The following STAG1 variants were observed in gnomAD, a reference collection of about 807,000 sequenced individuals.
The protein encoded by STAG1 is cohesin subunit SA-1.
In STAG1, 26 loss-of-function variants were observed where a neutral mutation model predicts 170.9. The observed-to-expected ratio is 0.15, with a 90% CI of 0.11 to 0.21. The LOEUF is 0.21. STAG1 is among the 10% of genes least tolerant of loss of function. The pLI, the probability that STAG1 is intolerant of heterozygous loss-of-function variation, is 1.00. For missense variants in STAG1, 964 were observed against 1,509.5 expected, an observed-to-expected ratio of 0.64 and a Z score of 5.99; for synonymous variants, 514 against 497.7, an observed-to-expected ratio of 1.03 and a Z score of -0.44.
At chr3:136,732,817 C>T (rs1051245091) in intron 1 of STAG1, among the ~76,000 whole-genome samples, 2 of 152,014 alleles carry the variant, frequency 1.3e-5, no homozygotes, top group Non-Finnish European at 2.9e-5. Context: ...ACCATCTTGG[C>T]CACACTGATC....
intron 13 of STAG1, among the ~76,000 whole-genome samples, chr3:136,461,646 G>T (rs576334356): frequency 6.6e-6 from 1 of 151,386 alleles, no homozygotes; most frequent in African/African-American, 2.4e-5. Context: ...TATTAGTCTG[G>T]GTAGAGTTTT....
chr3:136,612,893 T>C (rs1356201389), intron 3 of STAG1, among the ~76,000 whole-genome samples: 1 of 152,252 alleles, frequency 6.6e-6, no homozygotes, highest in Non-Finnish European at 1.5e-5. Flanking sequence ...CAGCTATGTA[T>C]ATACCTAGAG....
intron 4 of STAG1, among the ~76,000 whole-genome samples, chr3:136,581,596 G>T (rs921244538): frequency 3.9e-5 from 6 of 152,140 alleles, no homozygotes; most frequent in Non-Finnish European, 8.8e-5. Context: ...GGTAGGAAGA[G>T]ACAGCTATTT....
At chr3:136,359,888 GTTA>G (rs1256987450) in intron 26 of STAG1, among the ~76,000 whole-genome samples, 5 of 152,108 alleles carry the variant, frequency 3.3e-5, no homozygotes, top group Non-Finnish European at 7.4e-5. Context: ...TATTCTTTTT[GTTA>G]TTGTTTTTAC....
chr3:136,737,244 AC>A, intron 1 of STAG1: 1 of 625,520 alleles, frequency 1.6e-6, no homozygotes. Context: ...CAGCCCAGCC[AC>A]CACGTGACCC....
chr3:136,439,696 T>C (rs950372764), intron 15 of STAG1, among the ~76,000 whole-genome samples: 2 of 152,186 alleles, frequency 1.3e-5, no homozygotes, highest in African/African-American at 4.8e-5. Flanking sequence ...ATGCCAGAGC[T>C]TATATGTGGT....
intron 28 of STAG1, among the ~76,000 whole-genome samples, chr3:136,350,247 G>A (rs1936385712): frequency 1.3e-5 from 2 of 152,124 alleles, no homozygotes; most frequent in Non-Finnish European, 2.9e-5. Flanking sequence ...TGCCACTACA[G>A]CTCTATATTT....
intron 14 of STAG1, among the ~76,000 whole-genome samples, chr3:136,446,992 CTG>C (rs1265648819): frequency 6.8e-6 from 1 of 146,298 alleles, no homozygotes; most frequent in Middle Eastern, 3.9e-3. Context: ...TTAGTTGAGA[CTG>C]TGTTTTACTA....
chr3:136,616,949 T>A (rs117220429), intron 3 of STAG1, among the ~76,000 whole-genome samples: 75 of 152,286 alleles, frequency 4.9e-4, no homozygotes, highest in Non-Finnish European at 3.2e-4. Flanking sequence ...AGCAGTAACA[T>A]AGCATATACC....
intron 1 of STAG1, among the ~76,000 whole-genome samples, chr3:136,731,431 C>T (rs772526827): frequency 1.2e-4 from 18 of 152,194 alleles, no homozygotes; most frequent in Non-Finnish European, 2.5e-4. Flanking sequence ...CAGCCTTCCC[C>T]TACCACTTTG....
In STAG1 at chr3:136,380,999, G is replaced by A. The variant is rs1430030454; in HGVS notation, c.2278-3247C>T. On this transcript the variant is annotated intron_variant, in intron 22 of 33. Coordinates refer to ENST00000383202, the MANE Select transcript of STAG1 (RefSeq NM_005862.3). ...TGATTGTGCCACTGCACTCCAGCCTGGGAGACAGAGTAAGACCCTGTCTCG... is the reference window on the plus strand; with the variant it reads ...TGATTGTGCCACTGCACTCCAGCCTAGGAGACAGAGTAAGACCCTGTCTCG... Among the ~76,000 whole-genome samples the A allele has an allele frequency of 2.0e-5, 3 of 149,090 alleles. No homozygotes were observed. The East Asian group carries it at 5.9e-4, about 29-fold the overall frequency.
At chr3:136,723,306 C>T (rs1264923228) in intron 1 of STAG1, among the ~76,000 whole-genome samples, 1 of 151,632 alleles carries the variant, frequency 6.6e-6, no homozygotes, top group Non-Finnish European at 1.5e-5. Flanking sequence ...TGCCCGGCCG[C>T]CCATCGTCTG....
At chr3:136,590,581 T>C (rs900225594) in intron 4 of STAG1, among the ~76,000 whole-genome samples, 4 of 152,150 alleles carry the variant, frequency 2.6e-5, no homozygotes, top group African/African-American at 9.6e-5. Flanking sequence ...ACTTTTATGC[T>C]TGAATAACCT....
intron 1 of STAG1, among the ~76,000 whole-genome samples, chr3:136,693,861 C>A (rs56888009): frequency 0.17 from 26,352 of 152,056 alleles, 3,816 homozygotes; most frequent in African/African-American, 0.41. Context: ...GCATTAGCCA[C>A]CATGCCTGGC....
chr3:136,472,293 A>C (rs2089646836), intron 12 of STAG1, 120 bp downstream of exon 12: 1 of 546,730 alleles, frequency 1.8e-6, no homozygotes, highest in Non-Finnish European at 3.0e-6. Context: ...TAAAATGTAA[A>C]AGTTGAACCT....
chr3:136,622,923 C>A (rs1042745745), intron 3 of STAG1, among the ~76,000 whole-genome samples: 1 of 152,152 alleles, frequency 6.6e-6, no homozygotes, highest in African/African-American at 2.4e-5. Flanking sequence ...ACATGGACTA[C>A]CATTTATTTA....
At chr3:136,470,919 T>C (rs577702777) in intron 12 of STAG1, among the ~76,000 whole-genome samples, 6 of 143,246 alleles carry the variant, frequency 4.2e-5, no homozygotes, top group East Asian at 4.1e-4. Context: ...CACTCATAGG[T>C]GGGAATTGAA....
intron 22 of STAG1, among the ~76,000 whole-genome samples, chr3:136,389,067 A>T (rs745867004): frequency 3.9e-5 from 6 of 152,162 alleles, no homozygotes; most frequent in Non-Finnish European, 7.4e-5. Flanking sequence ...AAGTGTCTAA[A>T]TATTCTTAAT....
chr3:136,397,533 A>T (rs2087202350), intron 22 of STAG1, among the ~76,000 whole-genome samples: 1 of 151,640 alleles, frequency 6.6e-6, no homozygotes. Flanking sequence ...TTCATGGGAG[A>T]TTTATTTTTC....
Sources: gnomAD v4.1 joint callset for allele counts (sites outside exome capture counted in the v4.1 genomes callset) on GRCh38, gnomAD v4.1.1 for gene constraint, MANE v1.5 for transcripts, NCBI Gene and HGNC (gene_info 2026-07-23, HGNC 2026-07-21) for gene names.